ZCCHC10: variants seen among roughly 807,000 people sequenced by gnomAD.
ZCCHC10 encodes zinc finger CCHC domain-containing protein 10.
In ZCCHC10, 16 loss-of-function variants were observed where a neutral mutation model predicts 19.5. That is an observed-to-expected ratio of 0.82 (90% CI 0.56 to 1.25). The LOEUF (loss-of-function observed/expected upper bound fraction) is 1.25. ZCCHC10 is among the 50% of genes most tolerant of loss of function. The pLI, the probability that ZCCHC10 is intolerant of heterozygous loss-of-function variation, is 0.00. For synonymous variants in ZCCHC10, 67 were observed against 72.5 expected, an observed-to-expected ratio of 0.92 and a Z score of 0.38; for missense variants, 197 against 201.0, an observed-to-expected ratio of 0.98 and a Z score of 0.12.
chr5:133,007,394 T>A lies in ZCCHC10; in HGVS notation c.108-474A>T, dbSNP rs13155936. Among the ~76,000 whole-genome samples the A allele has an allele frequency of 6.4e-3, 975 of 151,912 alleles. 4 individuals are homozygous for A. The highest frequency in any genetic ancestry group is 9.1e-3 in the Non-Finnish European group (618 of 67,956). On this transcript the variant is annotated intron_variant, in intron 2 of 4. Transcript: ENST00000509437. ...CATCTCCACTAAAAATACAAAAAAA[T>A]TAGCCAAGCGTGGTGGTGGGCGCCT...
rs1241755661 is a variant in ZCCHC10, at chr5:132,997,965, GA to G, written c.*617del. On this transcript the variant is annotated 3_prime_UTR_variant, in exon 5 of 5. Coordinates refer to ENST00000509437, the MANE Select transcript of ZCCHC10 (RefSeq NM_001300816.3). ...AATTTTCCTCAGAAAAGGATAACTT[GA>G]AAAACTTAAGGAACCAGAAGAAAAT... 1 of 152,168 alleles carries G rather than the reference GA, an allele frequency of 6.6e-6. No homozygotes were observed. Among genetic ancestry groups the G allele is most frequent in the East Asian group, 1.9e-4 (1 of 5,192 alleles). The allele number at this position is 152,168 out of a possible 1,614,324, so 9.4% of individuals were successfully genotyped here.
chr5:133,013,032 CAGAG>C (rs1459861467), intron 2 of ZCCHC10, among the ~76,000 whole-genome samples: 1 of 141,176 alleles, frequency 7.1e-6, no homozygotes, highest in African/African-American at 2.7e-5. Context: ...GCCTGGGTGA[CAGAG>C]GGAGACTCCG....
At chr5:133,024,780 G>A (rs1428533261) in intron 1 of ZCCHC10, among the ~76,000 whole-genome samples, 1 of 152,152 alleles carries the variant, frequency 6.6e-6, no homozygotes, top group Non-Finnish European at 1.5e-5. Flanking sequence ...GCGGACGCCT[G>A]TAGTCCCAGC....
At chr5:133,012,258 A>C (rs887038736) in intron 2 of ZCCHC10, among the ~76,000 whole-genome samples, 2 of 151,846 alleles carry the variant, frequency 1.3e-5, no homozygotes, top group African/African-American at 4.8e-5. Context: ...ACCTGAGGCC[A>C]GGAGTTCGAG....
chr5:133,025,196 G>GA (rs1233790804), intron 1 of ZCCHC10, among the ~76,000 whole-genome samples: 1 of 151,716 alleles, frequency 6.6e-6, no homozygotes, highest in East Asian at 1.9e-4. Flanking sequence ...AAGGCTGTTG[G>GA]AAAAAAAAGC....
At chr5:133,001,044 T>C (rs1762737914) in intron 3 of ZCCHC10, among the ~76,000 whole-genome samples, 1 of 152,110 alleles carries the variant, frequency 6.6e-6, no homozygotes, top group African/African-American at 2.4e-5. Context: ...GACAAATAGC[T>C]TGCTGCTATT....
intron 2 of ZCCHC10, among the ~76,000 whole-genome samples, chr5:133,021,474 G>A (rs759690655): frequency 6.6e-6 from 1 of 152,138 alleles, no homozygotes; most frequent in Non-Finnish European, 1.5e-5. Context: ...ACATAAGCAC[G>A]GATCAGAAAA....
At chr5:133,000,206 TAA>T (rs1306590263) in intron 3 of ZCCHC10, 33 bp from the exon 4 acceptor site, 7 of 1,613,118 alleles carry the variant, frequency 4.3e-6, no homozygotes, top group Non-Finnish European at 5.9e-6. Flanking sequence ...AAGCTCCTGT[TAA>T]TAGAGTGATT....
chr5:132,998,046 T>C lies in ZCCHC10; in HGVS notation c.*537A>G, dbSNP rs1312704815. On this transcript the variant is annotated 3_prime_UTR_variant, in exon 5 of 5. Transcript: ENST00000509437. ...ACAGCATTCAAAAACTATAAATATA[T>C]TAATAGGCTCCTTGAACATACCACT... 1 of 152,268 alleles carries C rather than the reference T, an allele frequency of 6.6e-6. No individual in the cohort carries two copies. Among genetic ancestry groups the C allele is most frequent in the African/African-American group, 2.4e-5 (1 of 41,462 alleles). 9.4% of individuals were successfully genotyped at this position (152,268 alleles called of 1,614,324 possible).
chr5:133,026,051 G>T (rs1764681043), intron 1 of ZCCHC10, among the ~76,000 whole-genome samples: 1 of 152,176 alleles, frequency 6.6e-6, no homozygotes, highest in African/African-American at 2.4e-5. Flanking sequence ...TTGAAGGCAG[G>T]GTGTTCCTAA....
At chr5:133,003,232 T>C in intron 3 of ZCCHC10, 1 of 403,702 alleles carries the variant, frequency 2.5e-6, no homozygotes, top group Non-Finnish European at 4.9e-6. Context: ...TCTGACATTG[T>C]TCAATCCAGA....
intron 2 of ZCCHC10, among the ~76,000 whole-genome samples, chr5:133,009,788 T>G (rs1763378081): frequency 6.6e-6 from 1 of 152,000 alleles, no homozygotes; most frequent in African/African-American, 2.4e-5. Context: ...GGCTATACCC[T>G]ACAAATAAAC....
At chr5:133,022,594 A>C (rs887772264) in intron 2 of ZCCHC10, among the ~76,000 whole-genome samples, 10 of 151,982 alleles carry the variant, frequency 6.6e-5, no homozygotes, top group African/African-American at 1.7e-4. Flanking sequence ...TTGGGACTAC[A>C]GGCGCATGCC....
chr5:132,999,786 T>A (rs1043533366), intron 4 of ZCCHC10, among the ~76,000 whole-genome samples: 6 of 152,194 alleles, frequency 3.9e-5, no homozygotes, highest in African/African-American at 1.2e-4. Flanking sequence ...TTCGCTCTGT[T>A]GCCCAGGCTG....
At chr5:133,025,067 T>TA (rs1764580806) in intron 1 of ZCCHC10, among the ~76,000 whole-genome samples, 1 of 151,958 alleles carries the variant, frequency 6.6e-6, no homozygotes, top group African/African-American at 2.4e-5. Flanking sequence ...TTAAAAAATA[T>TA]AAAAAGATAT....
intron 1 of ZCCHC10, among the ~76,000 whole-genome samples, chr5:133,025,870 C>G (rs1450027864): frequency 6.6e-6 from 1 of 152,200 alleles, no homozygotes; most frequent in Non-Finnish European, 1.5e-5. Context: ...GGTTTATCGA[C>G]TGTTTCCATC....
In ZCCHC10 at chr5:133,019,689, T is replaced by A. The variant is rs539291091; in HGVS notation, c.107+3152A>T. On this transcript the variant is annotated intron_variant, in intron 2 of 4. Transcript: ENST00000509437. The stretch of plus-strand genomic sequence containing the variant: ...GTGCATACCAGCTGGGTGCAGTGAC[T>A]CAGACCTGTAATCCCAGCACTTTGG... Among the ~76,000 whole-genome samples, 57 of 152,266 alleles carry A rather than the reference T, an allele frequency of 3.7e-4. 1 individual carries two copies. The highest frequency in any genetic ancestry group is 1.3e-3 in the African/African-American group (55 of 41,548).
intron 3 of ZCCHC10, among the ~76,000 whole-genome samples, chr5:133,004,911 A>G (rs1763012907): frequency 6.6e-6 from 1 of 152,218 alleles, no homozygotes; most frequent in Non-Finnish European, 1.5e-5. Flanking sequence ...GTTATATGCC[A>G]CAAGTCACAT....
chr5:133,023,771 CA>C (rs34071317), intron 1 of ZCCHC10, among the ~76,000 whole-genome samples: 29 of 144,772 alleles, frequency 2.0e-4, no homozygotes, highest in Non-Finnish European at 2.4e-4. Context: ...AACTCCATCT[CA>C]AAAAAAAAAA....
Sources: allele counts gnomAD v4.1 joint callset (sites outside exome capture counted in the v4.1 genomes callset), GRCh38; gene constraint gnomAD v4.1.1; transcripts MANE v1.5; gene names NCBI Gene and HGNC (gene_info 2026-07-23, HGNC 2026-07-21).